SDK1: variants seen among roughly 807,000 people sequenced by gnomAD.
The protein encoded by SDK1 is sidekick cell adhesion molecule 1, also known as protein sidekick-1.
In SDK1, 157 loss-of-function variants were observed where a neutral mutation model predicts 245.5. The observed-to-expected ratio is 0.64, with a 90% CI of 0.56 to 0.73. The LOEUF (loss-of-function observed/expected upper bound fraction) is 0.73, where lower values mean the gene tolerates loss of function less well. Ranked by LOEUF, SDK1 falls within the 30% of genes least tolerant of loss-of-function variation. SDK1 has a pLI of 0.00. For missense variants in SDK1, 3,583 were observed against 3,002.3 expected (o/e 1.19, Z -4.52); for synonymous variants, 1,647 against 1,278.5 (o/e 1.29, Z -6.15).
intron 4 of SDK1, among the ~76,000 whole-genome samples, chr7:3,648,628 T>G (rs1382285309): frequency 6.6e-6 from 1 of 152,198 alleles, no homozygotes; most frequent in Non-Finnish European, 1.5e-5. Context: ...AATTAGCGCT[T>G]GCATTGGAAG....
intron 1 of SDK1, among the ~76,000 whole-genome samples, chr7:3,494,094 C>G (rs1012142779): frequency 4.6e-5 from 7 of 152,070 alleles, no homozygotes; most frequent in Non-Finnish European, 8.8e-5. Flanking sequence ...AGAAGTCAGA[C>G]ATGTTCCAAG....
At chr7:3,763,281 C>G (rs1303856673) in intron 4 of SDK1, among the ~76,000 whole-genome samples, 1 of 152,110 alleles carries the variant, frequency 6.6e-6, no homozygotes, top group African/African-American at 2.4e-5. Context: ...CAAGGCATAA[C>G]TTACATGTAG....
intron 5 of SDK1, among the ~76,000 whole-genome samples, chr7:3,846,777 C>A (rs545123627): frequency 6.6e-5 from 10 of 152,270 alleles, no homozygotes; most frequent in African/African-American, 2.4e-4. Flanking sequence ...CGTGTCTTTA[C>A]CCCTGGTTCC....
chr7:3,784,087 G>GTT (rs571219734), intron 4 of SDK1, among the ~76,000 whole-genome samples: 8 of 139,720 alleles, frequency 5.7e-5, no homozygotes, highest in Admixed American at 2.9e-4. Context: ...TCTTTTCTTT[G>GTT]TTTTTTTTTT....
chr7:3,670,128 C>A (rs115375137), intron 4 of SDK1, among the ~76,000 whole-genome samples: 4,359 of 152,262 alleles, frequency 0.029, 205 homozygotes, highest in African/African-American at 0.1. Context: ...TACCTTGTTT[C>A]CCTATGTTTA....
chr7:3,953,902 C>G (rs1308806260), intron 7 of SDK1, among the ~76,000 whole-genome samples: 1 of 152,144 alleles, frequency 6.6e-6, no homozygotes, highest in Non-Finnish European at 1.5e-5. Flanking sequence ...TGCAAAAACC[C>G]TGAAGAGAGT....
intron 1 of SDK1, among the ~76,000 whole-genome samples, chr7:3,584,847 C>G (rs1230310442): frequency 6.6e-6 from 1 of 151,952 alleles, no homozygotes; most frequent in Non-Finnish European, 1.5e-5. Context: ...CCTCAGCCTC[C>G]CGAGTAGCTG....
At chr7:3,595,002 A>G (rs1279179340) in intron 1 of SDK1, among the ~76,000 whole-genome samples, 1 of 152,202 alleles carries the variant, frequency 6.6e-6, no homozygotes, top group African/African-American at 2.4e-5. Context: ...AGTTGCTTTT[A>G]TGTTTTAATT....
Position 3,611,821 on chromosome 7 carries a change from A to G in SDK1, c.299-7259A>G, listed in dbSNP as rs78115500. Reference sequence around the variant, plus strand: ...AAATGGCCATAATGAAAAAATCAAAAAATAATAGATGATTGTGGTGATGGG... The same window carrying G: ...AAATGGCCATAATGAAAAAATCAAAGAATAATAGATGATTGTGGTGATGGG... On this transcript the variant is annotated intron_variant, in intron 1 of 44. Transcript: ENST00000404826. 5.0e-3 allele frequency among the ~76,000 whole-genome samples: 758 copies of G among 152,298 alleles called. 8 individuals carry two copies. The highest frequency in any genetic ancestry group is 0.017 in the African/African-American group (701 of 41,562).
intron 9 of SDK1, among the ~76,000 whole-genome samples, chr7:3,964,063 A>G (rs1190647836): frequency 2.0e-5 from 3 of 152,268 alleles, no homozygotes. Context: ...TACACCTATC[A>G]GCAAAGCCAG....
chr7:3,609,395 T>A (rs1040962324), intron 1 of SDK1, among the ~76,000 whole-genome samples: 1 of 151,814 alleles, frequency 6.6e-6, no homozygotes, highest in African/African-American at 2.4e-5. Context: ...GAGCTGGGAT[T>A]TTTCTTTTTC....
intron 28 of SDK1, among the ~76,000 whole-genome samples, chr7:4,144,898 C>G (rs539654315): frequency 6.6e-6 from 1 of 152,216 alleles, no homozygotes; most frequent in Non-Finnish European, 1.5e-5. Flanking sequence ...TGGTTTTAAT[C>G]AGCGCAGGAG....
At chr7:4,099,440 CAAGGTTAGGACTG>C in intron 22 of SDK1, among the ~76,000 whole-genome samples, 1 of 139,656 alleles carries the variant, frequency 7.2e-6, no homozygotes, top group Non-Finnish European at 1.5e-5. Context: ...CCGGGCCAGG[CAAGGTTAGGACTG>C]CCTGGTGTCA....
At chr7:3,419,093 A>G (rs1779463892) in intron 1 of SDK1, among the ~76,000 whole-genome samples, 1 of 152,172 alleles carries the variant, frequency 6.6e-6, no homozygotes, top group Non-Finnish European at 1.5e-5. Flanking sequence ...TCTGCATTTG[A>G]TTGAAATGCA....
At chr7:3,435,160 CTGTAT>C (rs1413494721) in intron 1 of SDK1, among the ~76,000 whole-genome samples, 2 of 133,386 alleles carry the variant, frequency 1.5e-5, no homozygotes, top group South Asian at 2.3e-4. Flanking sequence ...GCAAAAGTCT[CTGTAT>C]TTTTTTTTTT....
intron 5 of SDK1, among the ~76,000 whole-genome samples, chr7:3,839,811 T>A (rs1428144113): frequency 2.0e-5 from 3 of 152,160 alleles, no homozygotes; most frequent in African/African-American, 7.2e-5. Flanking sequence ...ATCAAACCAG[T>A]TTTTTTAACA....
intron 5 of SDK1, among the ~76,000 whole-genome samples, chr7:3,921,086 G>A (rs1163473101): frequency 1.3e-5 from 2 of 152,126 alleles, no homozygotes; most frequent in Non-Finnish European, 2.9e-5. Context: ...AGCAATAAGT[G>A]TTAAATGTAG....
intron 29 of SDK1, among the ~76,000 whole-genome samples, chr7:4,147,595 C>A (rs1245406890): frequency 3.3e-5 from 5 of 152,126 alleles, no homozygotes; most frequent in Non-Finnish European, 7.4e-5. Flanking sequence ...GAAAGCACAT[C>A]CCCTCTGTGA....
chr7:3,611,398 C>T (rs1008699834), intron 1 of SDK1, among the ~76,000 whole-genome samples: 6 of 152,174 alleles, frequency 3.9e-5, no homozygotes, highest in African/African-American at 1.4e-4. Flanking sequence ...GCCTCTAGTT[C>T]ACATTTAATA....
Sources: allele counts gnomAD v4.1 joint callset (sites outside exome capture counted in the v4.1 genomes callset), GRCh38; gene constraint gnomAD v4.1.1; transcripts MANE v1.5; gene names NCBI Gene and HGNC (gene_info 2026-07-23, HGNC 2026-07-21).